The following BANK1 variants were observed in gnomAD, a reference collection of about 807,000 sequenced individuals.
BANK1 encodes B-cell scaffold protein with ankyrin repeats.
In BANK1, 95 loss-of-function variants were observed where a neutral mutation model predicts 94.5. That is an observed-to-expected ratio of 1.00 (90% CI 0.85 to 1.19). BANK1 has a LOEUF of 1.19. Ranked by LOEUF, BANK1 falls within the 50% of genes most tolerant of loss-of-function variation. BANK1 has a pLI of 0.00. For missense variants in BANK1, 987 were observed against 932.2 expected, an observed-to-expected ratio of 1.06 and a Z score of -0.77; for synonymous variants, 334 against 308.4, an observed-to-expected ratio of 1.08 and a Z score of -0.87.
At chr4:101,791,464 C>G (rs1724983030) in intron 1 of BANK1, among the ~76,000 whole-genome samples, 2 of 152,154 alleles carry the variant, frequency 1.3e-5, no homozygotes, top group Non-Finnish European at 2.9e-5. Context: ...AACACCACCT[C>G]CCTACTCCAC....
At chr4:101,948,361 A>G (rs1724010365) in intron 7 of BANK1, among the ~76,000 whole-genome samples, 1 of 152,070 alleles carries the variant, frequency 6.6e-6, no homozygotes, top group East Asian at 1.9e-4. Flanking sequence ...GTGAATTAGA[A>G]CTTCCTTTCT....
At chr4:102,001,744 G>A (rs1726084069) in intron 7 of BANK1, among the ~76,000 whole-genome samples, 2 of 152,164 alleles carry the variant, frequency 1.3e-5, no homozygotes. Context: ...ACAGAGAATT[G>A]TGGCCAGATT....
intron 6 of BANK1, among the ~76,000 whole-genome samples, chr4:101,914,858 A>G (rs1578396198): frequency 6.6e-6 from 1 of 152,172 alleles, no homozygotes; most frequent in South Asian, 2.1e-4. Flanking sequence ...CATTTTAAAC[A>G]GCTAATTCAC....
At chr4:102,017,106 T>C (rs1726729124) in intron 7 of BANK1, among the ~76,000 whole-genome samples, 2 of 152,244 alleles carry the variant, frequency 1.3e-5, no homozygotes, top group Admixed American at 1.3e-4. Flanking sequence ...TATATCACTG[T>C]ATGAAAAATA....
chr4:101,948,379 T>C (rs1296595950), intron 7 of BANK1, among the ~76,000 whole-genome samples: 1 of 152,056 alleles, frequency 6.6e-6, no homozygotes, highest in African/African-American at 2.4e-5. Flanking sequence ...TCTCAGGAGG[T>C]TAAATAATCA....
chr4:102,054,266 A>C (rs17031974), intron 11 of BANK1, among the ~76,000 whole-genome samples: 15,568 of 152,122 alleles, frequency 0.1, 1,143 homozygotes, highest in East Asian at 0.22. Context: ...CAAACTTGTA[A>C]TCACCTTCTG....
intron 6 of BANK1, among the ~76,000 whole-genome samples, chr4:101,916,545 T>G (rs1019113931): frequency 1.3e-5 from 2 of 152,050 alleles, no homozygotes; most frequent in Non-Finnish European, 2.9e-5. Context: ...TTTGATTACT[T>G]CAATTTAATT....
At chr4:102,072,482 C>G (rs962005491) in intron 15 of BANK1, 82 bp downstream of exon 15, 15 of 1,071,908 alleles carry the variant, frequency 1.4e-5, no homozygotes, top group Non-Finnish European at 1.8e-5. Flanking sequence ...TCTATCCTGT[C>G]TATGCTTTTA....
At chr4:101,847,348 T>C (rs1447035618) in intron 2 of BANK1, among the ~76,000 whole-genome samples, 1 of 152,046 alleles carries the variant, frequency 6.6e-6, no homozygotes, top group African/African-American at 2.4e-5. Flanking sequence ...GGGGTATTTA[T>C]TTTTGTATTT....
At chr4:101,842,484 A>G (rs1055814608) in intron 2 of BANK1, among the ~76,000 whole-genome samples, 6 of 152,212 alleles carry the variant, frequency 3.9e-5, no homozygotes, top group Non-Finnish European at 8.8e-5. Flanking sequence ...GTAAAAACAC[A>G]AACAGAGGAG....
intron 1 of BANK1, among the ~76,000 whole-genome samples, chr4:101,791,397 G>C (rs905525588): frequency 3.9e-5 from 6 of 152,208 alleles, no homozygotes; most frequent in African/African-American, 1.4e-4. Context: ...ACAAATCCCA[G>C]CCTGGTGAAT....
intron 10 of BANK1, among the ~76,000 whole-genome samples, chr4:102,038,641 C>T (rs1430349901): frequency 2.0e-5 from 3 of 152,068 alleles, no homozygotes; most frequent in Non-Finnish European, 4.4e-5. Context: ...TGGTCTCAAG[C>T]TATAATTAGA....
chr4:101,794,241 T>C (rs138609518), intron 1 of BANK1, among the ~76,000 whole-genome samples: 1 of 152,130 alleles, frequency 6.6e-6, no homozygotes, highest in East Asian at 1.9e-4. Context: ...AATATATAAA[T>C]ATATTTGAAA....
chr4:101,903,823 TAC>T (rs1318653627), intron 6 of BANK1, among the ~76,000 whole-genome samples: 1 of 152,232 alleles, frequency 6.6e-6, no homozygotes, highest in Non-Finnish European at 1.5e-5. Context: ...TAGTGTCATT[TAC>T]TAAGGTCCCC....
At chr4:102,043,078 A>G (rs1727756591) in intron 10 of BANK1, among the ~76,000 whole-genome samples, 2 of 152,040 alleles carry the variant, frequency 1.3e-5, no homozygotes, top group African/African-American at 4.8e-5. Context: ...CCTGTAATTC[A>G]CACTGCCCAT....
rs560190229 is a variant in BANK1 at position 102,004,982 on chromosome 4, G to T, written c.1207-16532G>T. Among the ~76,000 whole-genome samples the T allele has an allele frequency of 1.9e-3, 282 of 151,972 alleles. 1 individual carries two copies. The highest frequency in any genetic ancestry group is 3.4e-3 in the Middle Eastern group (1 of 294). ...GATCTCCTACATAGACATCATTTTG[G>T]CTCTGATAAAACACTACCTAATAGC... On this transcript the variant is annotated intron_variant, in intron 7 of 16. Coordinates refer to ENST00000322953, the MANE Select transcript of BANK1 (RefSeq NM_017935.5).
chr4:101,883,746 T>C (rs1728757297), intron 5 of BANK1, among the ~76,000 whole-genome samples: 1 of 152,178 alleles, frequency 6.6e-6, no homozygotes, highest in Non-Finnish European at 1.5e-5. Flanking sequence ...AGAAGAAACG[T>C]TTTAAAACAA....
Position 101,944,022 on chromosome 4 carries a change from T to TTGTGTGTGTGTG in BANK1, c.1206+25840_1206+25851dup, listed in dbSNP as rs70937503. On this transcript the variant is annotated intron_variant, in intron 7 of 16. Transcript: ENST00000322953. ...ATAACCAGTAAATGTGTGTGTGTGT[T>TTGTGTGTGTGTG]TGTGTGTGTGTGTGTGTGAGAGAGA... is the stretch of plus-strand genomic sequence containing the variant. Among the ~76,000 whole-genome samples, 6 of 148,144 alleles carry TTGTGTGTGTGTG rather than the reference T, an allele frequency of 4.1e-5. No individual in the cohort carries two copies. In the South Asian group the frequency reaches 8.6e-4, roughly 21 times the overall value.
At chr4:101,820,127 G>A (rs1031515937) in intron 1 of BANK1, among the ~76,000 whole-genome samples, 1 of 152,098 alleles carries the variant, frequency 6.6e-6, no homozygotes, top group Admixed American at 6.6e-5. Flanking sequence ...TACTACCACA[G>A]GTACTTGAGA....
Sources: allele counts gnomAD v4.1 joint callset (sites outside exome capture counted in the v4.1 genomes callset), GRCh38; gene constraint gnomAD v4.1.1; transcripts MANE v1.5; gene names NCBI Gene and HGNC (gene_info 2026-07-23, HGNC 2026-07-21).